The following ZBTB7C variants were observed in gnomAD, a reference collection of about 807,000 sequenced individuals.
ZBTB7C encodes zinc finger and BTB domain containing 7C, also known as zinc finger and BTB domain-containing protein 7C.
A neutral mutation model predicts 25.7 loss-of-function variants in ZBTB7C; 8 were observed. The ratio of observed to expected loss-of-function variants is 0.31; its 90% CI spans 0.18 to 0.56. ZBTB7C has a LOEUF of 0.56. Among genes scored for constraint, ZBTB7C ranks in the 20% least tolerant of loss-of-function variants. ZBTB7C has a pLI of 0.91. For missense variants in ZBTB7C, 824 were observed against 855.2 expected, an observed-to-expected ratio of 0.96 and a Z score of 0.46; for synonymous variants, 394 against 369.0, an observed-to-expected ratio of 1.07 and a Z score of -0.78.
chr18:48,252,782 C>T (rs2043906156), intron 2 of ZBTB7C: 1 of 152,222 alleles, frequency 6.6e-6, no homozygotes, highest in Non-Finnish European at 1.5e-5. Flanking sequence ...TCCTCCTCCA[C>T]CCATGGAATA....
intron 3 of ZBTB7C, among the ~76,000 whole-genome samples, chr18:48,131,006 C>T (rs1054226280): frequency 2.0e-5 from 3 of 152,178 alleles, no homozygotes; most frequent in African/African-American, 7.2e-5. Flanking sequence ...TGGGTTCAAG[C>T]GATTCTCCTG....
intron 3 of ZBTB7C, among the ~76,000 whole-genome samples, chr18:48,094,369 A>G (rs1330612842): frequency 6.6e-6 from 1 of 152,148 alleles, no homozygotes; most frequent in African/African-American, 2.4e-5. Context: ...CACCTAAGGG[A>G]CTTTGCTTCT....
intron 2 of ZBTB7C, among the ~76,000 whole-genome samples, chr18:48,196,188 G>A (rs2042313926): frequency 6.6e-6 from 1 of 152,202 alleles, no homozygotes; most frequent in African/African-American, 2.4e-5. Flanking sequence ...CTTCTTCAGA[G>A]ACTAAGGACC....
chr18:48,264,985 G>A (rs1471844531), intron 2 of ZBTB7C, among the ~76,000 whole-genome samples: 2 of 152,216 alleles, frequency 1.3e-5, no homozygotes, highest in Non-Finnish European at 2.9e-5. Flanking sequence ...AGAACCACCT[G>A]TCTGGATGAG....
chr18:48,241,244 A>T (rs1404270053), intron 2 of ZBTB7C, among the ~76,000 whole-genome samples: 2 of 152,218 alleles, frequency 1.3e-5, no homozygotes, highest in Non-Finnish European at 2.9e-5. Flanking sequence ...ATGGCAACAC[A>T]ATAATAGTGG....
chr18:48,103,306 GC>G (rs1007970477), intron 3 of ZBTB7C, among the ~76,000 whole-genome samples: 4 of 151,888 alleles, frequency 2.6e-5, no homozygotes, highest in African/African-American at 9.7e-5. Flanking sequence ...ACAACCAAGG[GC>G]TCTGGCAAAG....
intron 1 of ZBTB7C, among the ~76,000 whole-genome samples, chr18:48,376,866 C>A (rs545564967): frequency 6.6e-6 from 1 of 152,358 alleles, no homozygotes; most frequent in Admixed American, 6.5e-5. Flanking sequence ...CTGTCTCCTG[C>A]CCAACAGGGC....
chr18:48,201,705 C>T (rs1273238684), intron 2 of ZBTB7C, among the ~76,000 whole-genome samples: 1 of 152,114 alleles, frequency 6.6e-6, no homozygotes, highest in Non-Finnish European at 1.5e-5. Context: ...TTCAGACATA[C>T]AAAAAGGCCA....
At chr18:48,326,320 C>A (rs2144882559) in intron 2 of ZBTB7C, among the ~76,000 whole-genome samples, 1 of 151,962 alleles carries the variant, frequency 6.6e-6, no homozygotes, top group South Asian at 2.1e-4. Context: ...GGTCTCGAAC[C>A]CCTGACCTCA....
At chr18:48,279,012 C>G (rs1297043984) in intron 2 of ZBTB7C, among the ~76,000 whole-genome samples, 1 of 151,362 alleles carries the variant, frequency 6.6e-6, no homozygotes, top group Non-Finnish European at 1.5e-5. Context: ...TTGAGACAGA[C>G]AAAGCCCTTA....
chr18:48,264,798 G>A (rs76234248), intron 2 of ZBTB7C, among the ~76,000 whole-genome samples: 35 of 152,298 alleles, frequency 2.3e-4, no homozygotes, highest in African/African-American at 7.9e-4. Context: ...CAAAAGGGCA[G>A]CCTGTAGAAT....
At chr18:48,300,075 T>G (rs2045504530) in intron 2 of ZBTB7C, among the ~76,000 whole-genome samples, 1 of 152,124 alleles carries the variant, frequency 6.6e-6, no homozygotes, top group Non-Finnish European at 1.5e-5. Context: ...GTTACTGCAT[T>G]GAGAACCACA....
At chr18:48,303,488 A>T (rs533344951) in intron 2 of ZBTB7C, among the ~76,000 whole-genome samples, 2 of 152,346 alleles carry the variant, frequency 1.3e-5, no homozygotes, top group Admixed American at 1.3e-4. Flanking sequence ...TGACACTACA[A>T]GTTCATTCCT....
intron 3 of ZBTB7C, among the ~76,000 whole-genome samples, chr18:48,090,405 C>G (rs554902674): frequency 3.3e-5 from 5 of 152,226 alleles, no homozygotes; most frequent in Non-Finnish European, 7.3e-5. Flanking sequence ...AGGACACCTA[C>G]AGACTTCCAG....
chr18:48,228,557 A>G (rs867986840), intron 2 of ZBTB7C, among the ~76,000 whole-genome samples: 3 of 152,134 alleles, frequency 2.0e-5, no homozygotes, highest in South Asian at 2.1e-4. Flanking sequence ...CACCAGCCTG[A>G]GAGTGGCTGC....
At chr18:48,094,689 A>T (rs188369815) in intron 3 of ZBTB7C, among the ~76,000 whole-genome samples, 1 of 152,250 alleles carries the variant, frequency 6.6e-6, no homozygotes, top group Non-Finnish European at 1.5e-5. Context: ...TAGTTAATTG[A>T]GAGTTCTGGT....
intron 3 of ZBTB7C, among the ~76,000 whole-genome samples, chr18:48,076,152 G>A (rs1383816104): frequency 6.6e-6 from 1 of 152,206 alleles, no homozygotes; most frequent in South Asian, 2.1e-4. Flanking sequence ...GAGGGATAAT[G>A]GGTCCCCACT....
chr18:48,091,417 A>C (rs2038412365), intron 3 of ZBTB7C, among the ~76,000 whole-genome samples: 1 of 151,968 alleles, frequency 6.6e-6, no homozygotes, highest in Admixed American at 6.6e-5. Context: ...AATAATAAGA[A>C]ATAGTATGTT....
At chr18:48,050,210 A>C (rs1203710809) in intron 3 of ZBTB7C, among the ~76,000 whole-genome samples, 1 of 152,146 alleles carries the variant, frequency 6.6e-6, no homozygotes, top group East Asian at 1.9e-4. Context: ...TGGCCCAAGC[A>C]GCTGGCCAGC....
Sources: allele counts gnomAD v4.1 joint callset (sites outside exome capture counted in the v4.1 genomes callset), GRCh38; gene constraint gnomAD v4.1.1; transcripts MANE v1.5; gene names NCBI Gene and HGNC (gene_info 2026-07-23, HGNC 2026-07-21).